WDR41: variants seen among roughly 807,000 people sequenced by gnomAD.
WDR41 encodes the protein WD repeat-containing protein 41.
In WDR41, 63 loss-of-function variants were observed where a neutral mutation model predicts 69.3. That is an observed-to-expected ratio of 0.91 (90% CI 0.74 to 1.12). The LOEUF (loss-of-function observed/expected upper bound fraction) is 1.12, where lower values mean the gene tolerates loss of function less well. Among genes scored for constraint, WDR41 ranks in the 50% most tolerant of loss-of-function variants. WDR41 has a pLI of 0.00. For synonymous variants in WDR41, 185 were observed against 192.1 expected (o/e 0.96, Z 0.31); for missense variants, 543 against 534.5 (o/e 1.02, Z -0.16).
chr5:77,512,729 A>G (rs1265424538), intron 1 of WDR41, among the ~76,000 whole-genome samples: 1 of 133,654 alleles, frequency 7.5e-6, no homozygotes, highest in African/African-American at 2.9e-5. Context: ...CTGGCGAGAG[A>G]GCGAAGACTC....
chr5:77,441,082 G>C (rs2560076), intron 8 of WDR41, 85 bp from the exon 9 acceptor site: 711,848 of 1,401,744 alleles, frequency 0.51, 182,491 homozygotes, highest in Admixed American at 0.63. Flanking sequence ...TAGTAATGCC[G>C]TATAAAACCA....
At chr5:77,595,391 G>A (rs80318385) in intron 1 of WDR41, among the ~76,000 whole-genome samples, 4,346 of 152,190 alleles carry the variant, frequency 0.029, 201 homozygotes, top group African/African-American at 0.099. Flanking sequence ...CAGGACTCCA[G>A]TAACAGTTAC....
chr5:77,582,055 G>A (rs1391895999), intron 1 of WDR41, among the ~76,000 whole-genome samples: 1 of 152,122 alleles, frequency 6.6e-6, no homozygotes, highest in Non-Finnish European at 1.5e-5. Flanking sequence ...TCAAAAGCCA[G>A]TTATTTGATA....
At chr5:77,543,530 G>C (rs1743132467) in intron 1 of WDR41, among the ~76,000 whole-genome samples, 1 of 152,020 alleles carries the variant, frequency 6.6e-6, no homozygotes, top group Admixed American at 6.5e-5. Flanking sequence ...CTCAGCAATA[G>C]AACTGAACAA....
chr5:77,444,190 TATTTTTAAGCAGTTTACACATGGCA>T (rs1274719346), intron 8 of WDR41, among the ~76,000 whole-genome samples: 1 of 152,154 alleles, frequency 6.6e-6, no homozygotes, highest in Non-Finnish European at 1.5e-5. Context: ...AATCAGCACA[TATTTTTAAGCAGTTTACACATGGCA>T]AACTAATTCC....
At chr5:77,444,285 T>C (rs1417524306) in intron 8 of WDR41, among the ~76,000 whole-genome samples, 1 of 152,246 alleles carries the variant, frequency 6.6e-6, no homozygotes, top group Non-Finnish European at 1.5e-5. Flanking sequence ...TATTAGTGGA[T>C]GGATTTTCAT....
At chr5:77,618,373 T>A (rs984075759) in intron 1 of WDR41, among the ~76,000 whole-genome samples, 2 of 152,096 alleles carry the variant, frequency 1.3e-5, no homozygotes, top group Non-Finnish European at 2.9e-5. Context: ...TAAACAAGTT[T>A]TTTTTTTTTC....
intron 5 of WDR41, among the ~76,000 whole-genome samples, chr5:77,456,948 C>T (rs1367364419): frequency 6.6e-6 from 1 of 152,272 alleles, no homozygotes; most frequent in Middle Eastern, 3.4e-3. Flanking sequence ...AAGCAATCCA[C>T]CCACCTTGGT....
intron 1 of WDR41, among the ~76,000 whole-genome samples, chr5:77,558,877 TGA>T (rs1236146410): frequency 3.0e-5 from 1 of 33,266 alleles, no homozygotes; most frequent in East Asian, 4.0e-3. Flanking sequence ...ATAAAGTCAT[TGA>T]AAAAATATTT....
intron 1 of WDR41, among the ~76,000 whole-genome samples, chr5:77,598,408 G>C (rs1744261787): frequency 6.6e-6 from 1 of 152,154 alleles, no homozygotes; most frequent in Non-Finnish European, 1.5e-5. Flanking sequence ...GGGAATCTGG[G>C]GGAAAAGGCT....
chr5:77,568,784 A>G (rs1217634772), intron 1 of WDR41, among the ~76,000 whole-genome samples: 1 of 152,184 alleles, frequency 6.6e-6, no homozygotes, highest in Non-Finnish European at 1.5e-5. Flanking sequence ...GAGTGAATCA[A>G]CAGACTATCC....
chr5:77,433,226 A>C lies in WDR41; in HGVS notation c.1289T>G (p.Leu430Trp). Residue 430 changes from leucine (L) to tryptophan (W), a missense_variant, in exon 13 of 13, where the codon TTG becomes TGG. Transcript: ENST00000296679. ...AGATTCTCGCTCTCCATTTTTCCAC[A>C]AAATAATGAGATGATCAGCGGAGCA... ...VTCSADHLII[L>W]WKNGERESGL... The C allele has an allele frequency of 6.2e-7, 1 of 1,614,046 alleles. No homozygotes were observed. The highest frequency in any genetic ancestry group is 1.1e-5 in the South Asian group (1 of 91,062).
chr5:77,507,188 A>G (rs1388202272), intron 1 of WDR41, among the ~76,000 whole-genome samples: 1 of 152,186 alleles, frequency 6.6e-6, no homozygotes, highest in African/African-American at 2.4e-5. Context: ...TAATCATCAG[A>G]GTTCTGGAGA....
chr5:77,500,638 G>A (rs1276312459), intron 1 of WDR41, among the ~76,000 whole-genome samples: 1 of 152,076 alleles, frequency 6.6e-6, no homozygotes, highest in African/African-American at 2.4e-5. Context: ...GCTCAAATAG[G>A]TAACCTAAGT....
At chr5:77,495,522 A>T (rs910822952), upstream of WDR41, among the ~76,000 whole-genome samples, 8 of 152,054 alleles carry the variant, frequency 5.3e-5, no homozygotes, top group Non-Finnish European at 1.0e-4. Flanking sequence ...AACCTAAAAG[A>T]TATGAATAAA....
At chr5:77,552,167 A>G (rs1216966172) in intron 1 of WDR41, among the ~76,000 whole-genome samples, 1 of 151,262 alleles carries the variant, frequency 6.6e-6, no homozygotes, top group Non-Finnish European at 1.5e-5. Flanking sequence ...ACAAACCACT[A>G]AATAAAATTG....
At chr5:77,593,567 G>T (rs1744169300) in intron 1 of WDR41, among the ~76,000 whole-genome samples, 1 of 152,076 alleles carries the variant, frequency 6.6e-6, no homozygotes, top group Non-Finnish European at 1.5e-5. Context: ...TTATAATATA[G>T]TAAATGTAAA....
chr5:77,533,554 C>CT, intron 1 of WDR41, among the ~76,000 whole-genome samples: 1 of 152,136 alleles, frequency 6.6e-6, no homozygotes, highest in African/African-American at 2.4e-5. Context: ...ATCCCAAATA[C>CT]TTTAGAGTAG....
At chr5:77,466,505 C>A (rs1010652462) in intron 2 of WDR41, among the ~76,000 whole-genome samples, 8 of 151,790 alleles carry the variant, frequency 5.3e-5, no homozygotes, top group Non-Finnish European at 1.2e-4. Context: ...TAGAAGACAG[C>A]AAGTTTAAAA....
Sources: allele counts gnomAD v4.1 joint callset (sites outside exome capture counted in the v4.1 genomes callset), GRCh38; gene constraint gnomAD v4.1.1; transcripts MANE v1.5; gene names NCBI Gene and HGNC (gene_info 2026-07-23, HGNC 2026-07-21).